PRKDC: variants seen among roughly 807,000 people sequenced by gnomAD.
PRKDC encodes DNA-dependent protein kinase catalytic subunit.
In PRKDC, 82 loss-of-function variants were observed where a neutral mutation model predicts 486.9. The observed-to-expected ratio is 0.17, with a 90% CI of 0.14 to 0.20. The LOEUF is 0.20. Ranked by LOEUF, PRKDC falls within the 10% of genes least tolerant of loss-of-function variation. PRKDC has a pLI of 1.00. For missense variants in PRKDC, 4,504 were observed against 5,038.2 expected (o/e 0.89, Z 3.21); for synonymous variants, 1,895 against 1,837.0 (o/e 1.03, Z -0.81).
At chr8:47,897,386 C>A in intron 29 of PRKDC, 92 bp from the exon 30 acceptor site, 1 of 1,249,690 alleles carries the variant, frequency 8.0e-7, no homozygotes, top group Non-Finnish European at 1.1e-6. Context: ...ATCTTTATCA[C>A]ACAGATATAT....
At position 47,831,838 on chromosome 8, in the gene PRKDC, G is replaced by T; in HGVS notation, c.8241C>A (p.Gly2747=). Residue 2747 remains glycine, a synonymous_variant, in exon 60 of 86, where the codon GGC becomes GGA. Coordinates refer to ENST00000314191, the MANE Select transcript of PRKDC (RefSeq NM_006904.7). ...CCTTCTCTCGTTTTTGCTCAGCAAC[G>T]CCTTTTCTGGCATACATCAAACTGA... ...EKLSLMYARK[G]VAEQKREKEI... 6.2e-7 allele frequency: 1 copy of T among 1,613,938 alleles called. No individual in the cohort carries two copies.
At chr8:47,864,458 G>A in intron 41 of PRKDC, 98 bp downstream of exon 41, 1 of 1,113,720 alleles carries the variant, frequency 9.0e-7, no homozygotes, top group Non-Finnish European at 1.3e-6. Flanking sequence ...CACACTCCTT[G>A]AACAGCAGAG....
chr8:47,959,901 C>T, intron 1 of PRKDC, 72 bp downstream of exon 1: 1 of 1,509,480 alleles, frequency 6.6e-7, no homozygotes, highest in South Asian at 1.2e-5. Context: ...CAGAGAAGCG[C>T]CGGGCTGCCC....
At chr8:47,951,045 A>G (rs906625241) in intron 7 of PRKDC, among the ~76,000 whole-genome samples, 1 of 152,210 alleles carries the variant, frequency 6.6e-6, no homozygotes, top group African/African-American at 2.4e-5. Flanking sequence ...ACCAAAGGAC[A>G]TAATCAACAC....
intron 68 of PRKDC, among the ~76,000 whole-genome samples, chr8:47,809,311 T>TG (rs2087280720): frequency 6.6e-6 from 1 of 152,210 alleles, no homozygotes; most frequent in Non-Finnish European, 1.5e-5. Flanking sequence ...ACCACAGTGC[T>TG]GGCTCATTCC....
chr8:47,959,773 A>T (rs908356843), intron 1 of PRKDC, among the ~76,000 whole-genome samples, 200 bp downstream of exon 1: 16 of 152,178 alleles, frequency 1.1e-4, no homozygotes, highest in Non-Finnish European at 2.1e-4. Flanking sequence ...TTGGCTTTAA[A>T]ATATCTTTCC....
At chr8:47,949,147 T>A (rs960494127) in intron 7 of PRKDC, among the ~76,000 whole-genome samples, 2 of 152,126 alleles carry the variant, frequency 1.3e-5, no homozygotes, top group African/African-American at 4.8e-5. Context: ...TCCTCTGACC[T>A]CCTCTGTGCC....
rs188599445 is a variant in PRKDC, at chr8:47,783,977, G to A, written c.11108-168C>T. Reference sequence around the variant, plus strand: ...GACTTTAAAAAAAATGTTATTTCTCGGCCGGGCACAGTGGCTCACGCCTGT... The same window carrying A: ...GACTTTAAAAAAAATGTTATTTCTCAGCCGGGCACAGTGGCTCACGCCTGT... On this transcript the variant is annotated intron_variant, in intron 77 of 85. Coordinates refer to ENST00000314191, the MANE Select transcript of PRKDC (RefSeq NM_006904.7). 1.6e-3 allele frequency: 1,122 copies of A among 681,256 alleles called. 7 individuals are homozygous for A. Among genetic ancestry groups the A allele is most frequent in the Admixed American group, 6.3e-3 (252 of 40,212 alleles). 42.2% of individuals were successfully genotyped at this position (681,256 alleles called of 1,614,324 possible).
At position 47,912,109 on chromosome 8, in the gene PRKDC, C is replaced by T. The variant is rs1033374980; in HGVS notation, c.2934+301G>A. ...CTCTTCTTCCCTTTGTGAAAGACTA[C>T]GTTTGTCCATGAGAGGGGTGACAGC... is the stretch of plus-strand genomic sequence containing the variant. On this transcript the variant is annotated intron_variant, in intron 25 of 85. Coordinates refer to ENST00000314191, the MANE Select transcript of PRKDC (RefSeq NM_006904.7). Among the ~76,000 whole-genome samples the T allele has an allele frequency of 2.6e-5, 4 of 152,204 alleles. 1 individual carries two copies. Among genetic ancestry groups the T allele is most frequent in the Non-Finnish European group, 5.9e-5 (4 of 68,012 alleles).
rs945684339 is a variant in PRKDC, at chr8:47,780,830, C to T, written c.11489+1332G>A. Among the ~76,000 whole-genome samples, 6 of 152,112 alleles carry T rather than the reference C, an allele frequency of 3.9e-5. No homozygotes were observed. In the South Asian group the frequency reaches 6.2e-4, roughly 16 times the overall value. ...GTGCACGCCTGTAATCTCAGCTACTCGGAAGGCTGAGGCAGGAGAATTGCT... is the reference window on the plus strand; with the variant it reads ...GTGCACGCCTGTAATCTCAGCTACTTGGAAGGCTGAGGCAGGAGAATTGCT... On this transcript the variant is annotated intron_variant, in intron 80 of 85. Coordinates refer to ENST00000314191, the MANE Select transcript of PRKDC (RefSeq NM_006904.7).
At chr8:47,909,297 C>T (rs2089853633) in intron 25 of PRKDC, among the ~76,000 whole-genome samples, 1 of 152,186 alleles carries the variant, frequency 6.6e-6, no homozygotes, top group Non-Finnish European at 1.5e-5. Flanking sequence ...TTTATAATTT[C>T]TTACACCTCT....
intron 55 of PRKDC, 135 bp downstream of exon 55, chr8:47,839,881 G>C (rs1201613279): frequency 4.9e-6 from 3 of 617,890 alleles, no homozygotes; most frequent in Non-Finnish European, 7.9e-6. Flanking sequence ...GGCTGAGATG[G>C]AAGGATCAAC....
rs775949883 is a variant in PRKDC, at chr8:47,893,308, C to T, written c.3678G>A (p.Gly1226=). The change falls in exon 31 of 86, where the codon GGG becomes GGA. Residue 1226 remains glycine, a synonymous_variant. Coordinates refer to ENST00000314191, the MANE Select transcript of PRKDC (RefSeq NM_006904.7). ...GVSFLINTFE[G]GGCGQPSGIL... is the part of the protein sequence containing the mutation. The stretch of plus-strand genomic sequence containing the variant: ...TGCCCGAGGGCTGGCCACAGCCACC[C>T]CCCTCAAAGGTGTTGATGAGAAAAG... The T allele has an allele frequency of 1.2e-6, 2 of 1,607,318 alleles. No homozygotes were observed. The highest frequency in any genetic ancestry group is 1.7e-5 in the Admixed American group (1 of 59,468).
At position 47,783,797 on chromosome 8, in the gene PRKDC, C is replaced by A; in HGVS notation, c.11120G>T (p.Gly3707Val). Residue 3707 changes from glycine to valine, a missense_variant, in exon 78 of 86, where the codon GGT becomes GTT. Physicochemically the swap from Gly to Val is moderately radical, Grantham distance 109. This residue lies in a region of PRKDC where 706 missense variants were observed against 945.0 expected (regional missense o/e 0.75). Coordinates refer to ENST00000314191, the MANE Select transcript of PRKDC (RefSeq NM_006904.7). ...GTACTCTGGCAATGGCTTTCCCCTA[C>A]CGTCATACTGACCTAAAACAAACCA... ...NELEIPGQYD[G>V]RGKPLPEYHV... 6.2e-7 allele frequency: 1 copy of A among 1,613,962 alleles called. No homozygotes were observed. The highest frequency in any genetic ancestry group is 8.5e-7 in the Non-Finnish European group (1 of 1,179,896).
chr8:47,835,769 G>GTT (rs925143451), intron 58 of PRKDC, among the ~76,000 whole-genome samples: 5 of 145,370 alleles, frequency 3.4e-5, no homozygotes, highest in Admixed American at 1.4e-4. Context: ...TTGCTTTTTG[G>GTT]TTTTTTTTTT....
intron 49 of PRKDC, 144 bp downstream of exon 49, chr8:47,857,012 G>C (rs900695218): frequency 1.2e-6 from 1 of 844,654 alleles, no homozygotes; most frequent in South Asian, 4.0e-5. Flanking sequence ...GAGGCCATTT[G>C]GTTTAGGAGC....
chr8:47,907,533 C>CA (rs1186165761), intron 25 of PRKDC, among the ~76,000 whole-genome samples: 46 of 133,142 alleles, frequency 3.5e-4, no homozygotes, highest in Non-Finnish European at 6.6e-4. Context: ...ATTTATATAC[C>CA]TTTTTTTTTT....
chr8:47,815,757 TTGGGC>T (rs2087429718), intron 68 of PRKDC, among the ~76,000 whole-genome samples: 1 of 152,200 alleles, frequency 6.6e-6, no homozygotes, highest in Non-Finnish European at 1.5e-5. Flanking sequence ...CAACACTGGT[TTGGGC>T]CAGGAGTCAT....
chr8:47,839,962 G>T, intron 55 of PRKDC, 54 bp downstream of exon 55: 1 of 1,407,504 alleles, frequency 7.1e-7, no homozygotes, highest in Non-Finnish European at 9.6e-7. Flanking sequence ...CGTCGACAGA[G>T]CAAGACCTTA....
Sources: allele counts gnomAD v4.1 joint callset (sites outside exome capture counted in the v4.1 genomes callset), GRCh38; gene constraint gnomAD v4.1.1; regional missense constraint gnomAD v4.1.1; transcripts MANE v1.5; gene names NCBI Gene and HGNC (gene_info 2026-07-23, HGNC 2026-07-21).